The following C4orf17 variants were observed in gnomAD, a reference collection of about 807,000 sequenced individuals.
C4orf17 encodes chromosome 4 open reading frame 17, also known as uncharacterized protein C4orf17.
C4orf17 carries 25 observed loss-of-function variants against 32.0 expected under a neutral mutation model. That is an observed-to-expected ratio of 0.78 (90% CI 0.57 to 1.09). The LOEUF (loss-of-function observed/expected upper bound fraction) is 1.09, where lower values mean the gene tolerates loss of function less well. C4orf17 is among the 50% of genes least tolerant of loss of function. The pLI is 0.00. For synonymous variants in C4orf17, 149 were observed against 145.8 expected, an observed-to-expected ratio of 1.02 and a Z score of -0.16; for missense variants, 420 against 420.0, an observed-to-expected ratio of 1.00 and a Z score of 0.00.
rs139721810 is a variant in C4orf17 at position 99,512,812 on chromosome 4, T to A, written c.-93-177T>A. Among the ~76,000 whole-genome samples the A allele has an allele frequency of 2.6e-3, 393 of 152,302 alleles. 4 individuals are homozygous for A. Among genetic ancestry groups the A allele is most frequent in the Admixed American group, 5.2e-3 (80 of 15,286 alleles). On this transcript the variant is annotated intron_variant, in intron 1 of 8. Coordinates refer to ENST00000326581, the MANE Select transcript of C4orf17 (RefSeq NM_032149.3). ...TTTTCCCCTGGGTAAATGTTTTAGA[T>A]CCACCCATGCCTATACTTTTCAACG...
chr4:99,518,510 AAAAAAAAAATATATATAT>A (rs1723226617), intron 2 of C4orf17, among the ~76,000 whole-genome samples: 3 of 66,566 alleles, frequency 4.5e-5, no homozygotes, highest in Non-Finnish European at 7.6e-5. Context: ...AAAAAAAAAA[AAAAAAAAAATATATATAT>A]ATATATATAT....
intron 4 of C4orf17, among the ~76,000 whole-genome samples, chr4:99,525,905 C>T (rs770442915): frequency 2.0e-5 from 3 of 152,016 alleles, no homozygotes; most frequent in African/African-American, 4.8e-5. Context: ...TATTTTCTTC[C>T]AGTCTGAGGC....
intron 2 of C4orf17, 71 bp from the exon 3 acceptor site, chr4:99,522,429 T>C: frequency 8.4e-7 from 1 of 1,196,218 alleles, no homozygotes; most frequent in Non-Finnish European, 1.2e-6. Context: ...TGTTGATCAT[T>C]CAAAGAAAAC....
chr4:99,534,750 G>T (rs1459291183), intron 5 of C4orf17, among the ~76,000 whole-genome samples: 1 of 152,134 alleles, frequency 6.6e-6, no homozygotes, highest in Non-Finnish European at 1.5e-5. Context: ...TACATTTAAG[G>T]TTAGTATTGC....
At chr4:99,522,814 G>A (rs1723316953) in intron 3 of C4orf17, 105 bp downstream of exon 3, 1 of 837,112 alleles carries the variant, frequency 1.2e-6, no homozygotes, top group African/African-American at 1.7e-5. Flanking sequence ...TTTACATCAA[G>A]TTTCCTCACT....
At chr4:99,537,541 A>T in intron 5 of C4orf17, 128 bp from the exon 6 acceptor site, 2 of 676,478 alleles carry the variant, frequency 3.0e-6, no homozygotes, top group Non-Finnish European at 5.2e-6. Context: ...TAAAAATCCC[A>T]ATTAACTAAA....
chr4:99,525,378 A>G (rs1467469683), intron 4 of C4orf17, among the ~76,000 whole-genome samples: 1 of 152,090 alleles, frequency 6.6e-6, no homozygotes, highest in East Asian at 1.9e-4. Flanking sequence ...GGTATGTAGT[A>G]GTATCTTATT....
intron 5 of C4orf17, among the ~76,000 whole-genome samples, chr4:99,530,789 A>G (rs1285974141): frequency 6.6e-6 from 1 of 151,784 alleles, no homozygotes; most frequent in African/African-American, 2.4e-5. Context: ...ATTAAACTTG[A>G]GGAGAATAAA....
intron 6 of C4orf17, 63 bp downstream of exon 6, chr4:99,537,813 G>T: frequency 1.7e-6 from 2 of 1,149,512 alleles, no homozygotes; most frequent in African/African-American, 1.5e-5. Context: ...CTGGGAATAT[G>T]CCAATATCTG....
chr4:99,539,121 G>T, intron 6 of C4orf17, 42 bp from the exon 7 acceptor site: 3 of 1,555,478 alleles, frequency 1.9e-6, no homozygotes, highest in South Asian at 2.2e-5. Context: ...CATGATAATT[G>T]CAACCTTCAC....
chr4:99,534,150 T>C (rs565906998), intron 5 of C4orf17, among the ~76,000 whole-genome samples: 1 of 152,222 alleles, frequency 6.6e-6, no homozygotes, highest in Non-Finnish European at 1.5e-5. Flanking sequence ...CAACTCCCCC[T>C]GACAGGTCCC....
chr4:99,512,934 T>C lies in C4orf17; in HGVS notation c.-93-55T>C, dbSNP rs1723119964. On this transcript the variant is annotated intron_variant, in intron 1 of 8. Transcript: ENST00000326581. Reference sequence around the variant, plus strand: ...AAAGAAGATGGAGAAATGTTTGATATATAAGAAAGTGACAAGAAACTCTTG... The same window carrying C: ...AAAGAAGATGGAGAAATGTTTGATACATAAGAAAGTGACAAGAAACTCTTG... 5 of 721,940 alleles carry C rather than the reference T, an allele frequency of 6.9e-6. No individual in the cohort carries two copies. The South Asian group carries it at 9.7e-5, about 14-fold the overall frequency. The allele number at this position is 721,940 out of a possible 1,614,324, so 44.7% of individuals were successfully genotyped here.
intron 3 of C4orf17, among the ~76,000 whole-genome samples, chr4:99,523,390 A>G (rs1487842023): frequency 6.6e-6 from 1 of 152,226 alleles, no homozygotes; most frequent in Non-Finnish European, 1.5e-5. Flanking sequence ...ATTATGGCAT[A>G]ATGTAGTAAA....
chr4:99,531,158 C>G (rs1306738373), intron 5 of C4orf17, among the ~76,000 whole-genome samples: 1 of 151,728 alleles, frequency 6.6e-6, no homozygotes, highest in East Asian at 1.9e-4. Context: ...TATGTATGTT[C>G]AGACTTATTT....
intron 5 of C4orf17, among the ~76,000 whole-genome samples, chr4:99,531,228 A>C (rs1409777879): frequency 6.6e-6 from 1 of 152,016 alleles, no homozygotes; most frequent in Non-Finnish European, 1.5e-5. Flanking sequence ...TAAATCATAT[A>C]AGATCTCACA....
At chr4:99,540,627 T>G in intron 8 of C4orf17, 172 bp downstream of exon 8, 2 of 531,874 alleles carry the variant, frequency 3.8e-6, no homozygotes, top group Non-Finnish European at 6.7e-6. Flanking sequence ...TAAAGATAAA[T>G]TTACCTTTGT....
At chr4:99,519,527 TG>T (rs1431474620) in intron 2 of C4orf17, among the ~76,000 whole-genome samples, 3 of 152,228 alleles carry the variant, frequency 2.0e-5, no homozygotes, top group Non-Finnish European at 4.4e-5. Flanking sequence ...AAGGAGTAGT[TG>T]CCACAAGTGA....
intron 7 of C4orf17, among the ~76,000 whole-genome samples, 177 bp from the exon 8 acceptor site, chr4:99,540,231 AAAGT>A (rs1036421753): frequency 1.5e-4 from 23 of 152,254 alleles, no homozygotes; most frequent in African/African-American, 3.1e-4. Context: ...ATATTTACTC[AAAGT>A]AAGAAGAATT....
chr4:99,527,968 G>A (rs970430089), intron 4 of C4orf17, among the ~76,000 whole-genome samples: 1 of 152,096 alleles, frequency 6.6e-6, no homozygotes, highest in Non-Finnish European at 1.5e-5. Flanking sequence ...CTTCATCCCT[G>A]ACACTATTCT....
Sources: allele counts gnomAD v4.1 joint callset (sites outside exome capture counted in the v4.1 genomes callset), GRCh38; gene constraint gnomAD v4.1.1; transcripts MANE v1.5; gene names NCBI Gene and HGNC (gene_info 2026-07-23, HGNC 2026-07-21).